MOB3B: variants seen among roughly 807,000 people sequenced by gnomAD.
The protein encoded by MOB3B is MOB kinase activator 3B, also known as MOB kinase activator-like 2B.
A neutral mutation model predicts 18.7 loss-of-function variants in MOB3B; 7 were observed. The ratio of observed to expected loss-of-function variants is 0.37; its 90% CI spans 0.21 to 0.70. The LOEUF (loss-of-function observed/expected upper bound fraction) is 0.70. Ranked by LOEUF, MOB3B falls within the 30% of genes least tolerant of loss-of-function variation. The pLI is 0.52. For missense variants in MOB3B, 253 were observed against 281.3 expected, an observed-to-expected ratio of 0.90 and a Z score of 0.72; for synonymous variants, 111 against 99.9, an observed-to-expected ratio of 1.11 and a Z score of -0.66.
chr9:27,479,692 A>T (rs1362594581), intron 1 of MOB3B, among the ~76,000 whole-genome samples: 2 of 152,244 alleles, frequency 1.3e-5, no homozygotes, highest in East Asian at 3.8e-4. Flanking sequence ...AAACTAAAAC[A>T]TCAGATAGCA....
chr9:27,473,019 T>G (rs954066367), intron 1 of MOB3B, among the ~76,000 whole-genome samples: 1 of 152,230 alleles, frequency 6.6e-6, no homozygotes, highest in Non-Finnish European at 1.5e-5. Context: ...AAATCACAGA[T>G]AGCTATTCCA....
intron 2 of MOB3B, among the ~76,000 whole-genome samples, chr9:27,445,687 C>T (rs1451263536): frequency 1.3e-5 from 2 of 151,894 alleles, no homozygotes; most frequent in Non-Finnish European, 2.9e-5. Flanking sequence ...AGTAGAATTC[C>T]CAGGCTGGGT....
intron 1 of MOB3B, among the ~76,000 whole-genome samples, chr9:27,514,757 T>A (rs550072097): frequency 6.6e-6 from 1 of 152,208 alleles, no homozygotes; most frequent in Non-Finnish European, 1.5e-5. Context: ...CTCTTTTCTG[T>A]AGCTCAACAT....
intron 1 of MOB3B, among the ~76,000 whole-genome samples, chr9:27,520,093 T>G (rs1381644218): frequency 6.6e-6 from 1 of 152,202 alleles, no homozygotes; most frequent in Non-Finnish European, 1.5e-5. Flanking sequence ...AATGTGTTAC[T>G]CTCGTCCTGA....
chr9:27,443,782 G>C (rs1283750259), intron 2 of MOB3B, among the ~76,000 whole-genome samples: 2 of 152,166 alleles, frequency 1.3e-5, no homozygotes, highest in African/African-American at 2.4e-5. Context: ...TTTGGTTTTA[G>C]CATACTTCCT....
intron 2 of MOB3B, among the ~76,000 whole-genome samples, chr9:27,449,611 C>T (rs771179158): frequency 1.3e-5 from 2 of 152,134 alleles, no homozygotes; most frequent in Non-Finnish European, 2.9e-5. Flanking sequence ...TTTGTTGATG[C>T]CCATTCTGTC....
intron 1 of MOB3B, among the ~76,000 whole-genome samples, chr9:27,486,743 A>C (rs957343199): frequency 2.0e-5 from 3 of 152,232 alleles, no homozygotes; most frequent in African/African-American, 7.2e-5. Context: ...TTTAATGGGA[A>C]TAAAGAAAAT....
At chr9:27,517,235 G>C (rs972464198) in intron 1 of MOB3B, among the ~76,000 whole-genome samples, 1 of 152,122 alleles carries the variant, frequency 6.6e-6, no homozygotes, top group African/African-American at 2.4e-5. Context: ...GACTGTATTT[G>C]TCTTGTTTTC....
chr9:27,409,787 G>T (rs767367170), intron 2 of MOB3B, among the ~76,000 whole-genome samples: 8 of 152,134 alleles, frequency 5.3e-5, no homozygotes, highest in East Asian at 1.9e-4. Context: ...TGACAGCATG[G>T]TCGAAACATT....
At position 27,355,052 on chromosome 9, in the gene MOB3B, T is replaced by C. The variant is rs118007351; in HGVS notation, c.621+3982A>G. 5.1e-4 allele frequency among the ~76,000 whole-genome samples: 78 copies of C among 152,328 alleles called. 5 individuals are homozygous for C. The East Asian group carries it at 0.015, about 29-fold the overall frequency. On this transcript the variant is annotated intron_variant, in intron 3 of 3. Transcript: ENST00000262244. The stretch of plus-strand genomic sequence containing the variant: ...GAAAAGCCATATATCTTGCTCAAGT[T>C]TGCACGTTAGTAAATGCAGGGTCCA...
At chr9:27,518,665 G>C (rs1820276555) in intron 1 of MOB3B, among the ~76,000 whole-genome samples, 1 of 152,182 alleles carries the variant, frequency 6.6e-6, no homozygotes, top group South Asian at 2.1e-4. Context: ...GGCTGGAAAA[G>C]ACAACTGGAT....
chr9:27,341,857 G>A (rs1040129161), intron 3 of MOB3B, among the ~76,000 whole-genome samples: 2 of 152,066 alleles, frequency 1.3e-5, no homozygotes, highest in Admixed American at 6.5e-5. Flanking sequence ...AACAGGCCTC[G>A]GAATCCTATC....
intron 1 of MOB3B, among the ~76,000 whole-genome samples, chr9:27,469,431 G>C (rs1819438202): frequency 6.6e-6 from 1 of 152,050 alleles, no homozygotes; most frequent in African/African-American, 2.4e-5. Flanking sequence ...CCCCTAACCT[G>C]TCTCCCTCAA....
At chr9:27,477,448 G>A (rs1227676193) in intron 1 of MOB3B, among the ~76,000 whole-genome samples, 1 of 152,172 alleles carries the variant, frequency 6.6e-6, no homozygotes, top group African/African-American at 2.4e-5. Context: ...CGCTCCAGCT[G>A]ATTTTACTAT....
intron 1 of MOB3B, among the ~76,000 whole-genome samples, chr9:27,504,611 T>C (rs1820032601): frequency 6.6e-6 from 1 of 151,826 alleles, no homozygotes. Flanking sequence ...AGCCAGAGGG[T>C]GGTTATGGAT....
intron 2 of MOB3B, among the ~76,000 whole-genome samples, chr9:27,438,572 T>C (rs1438915673): frequency 6.6e-6 from 1 of 152,200 alleles, no homozygotes; most frequent in African/African-American, 2.4e-5. Flanking sequence ...TGCCAGTTTG[T>C]TATAAAGGCT....
At chr9:27,341,703 A>G (rs1264610573) in intron 3 of MOB3B, among the ~76,000 whole-genome samples, 1 of 152,176 alleles carries the variant, frequency 6.6e-6, no homozygotes, top group Non-Finnish European at 1.5e-5. Context: ...CGACTCTGTC[A>G]CTGACTCTCA....
intron 2 of MOB3B, among the ~76,000 whole-genome samples, chr9:27,418,486 C>T (rs573139523): frequency 6.6e-6 from 1 of 152,240 alleles, no homozygotes; most frequent in African/African-American, 2.4e-5. Context: ...AGATAATCCA[C>T]CACGATCAAG....
At chr9:27,430,214 G>T (rs1822397330) in intron 2 of MOB3B, among the ~76,000 whole-genome samples, 1 of 152,170 alleles carries the variant, frequency 6.6e-6, no homozygotes, top group Non-Finnish European at 1.5e-5. Context: ...GAACTGCTGA[G>T]GCCACAAGGG....
Sources: allele counts gnomAD v4.1 joint callset (sites outside exome capture counted in the v4.1 genomes callset), GRCh38; gene constraint gnomAD v4.1.1; transcripts MANE v1.5; gene names NCBI Gene and HGNC (gene_info 2026-07-23, HGNC 2026-07-21).